The following ROBO1 variants were observed in gnomAD, a reference collection of about 807,000 sequenced individuals.
The protein encoded by ROBO1 is roundabout homolog 1.
A neutral mutation model predicts 195.9 loss-of-function variants in ROBO1; 149 were observed. The ratio of observed to expected loss-of-function variants is 0.76; its 90% CI spans 0.67 to 0.87. The LOEUF is 0.87. ROBO1 is among the 40% of genes least tolerant of loss of function. The pLI, the probability that ROBO1 is intolerant of heterozygous loss-of-function variation, is 0.00. For synonymous variants in ROBO1, 816 were observed against 733.2 expected (o/e 1.11, Z -1.82); for missense variants, 1,933 against 2,068.3 (o/e 0.93, Z 1.27).
intron 1 of ROBO1, among the ~76,000 whole-genome samples, chr3:79,636,589 T>C (rs946070601): frequency 1.3e-5 from 2 of 152,168 alleles, no homozygotes; most frequent in Non-Finnish European, 2.9e-5. Flanking sequence ...ACTCCATTAT[T>C]GGTGAGGTGT....
At chr3:79,284,613 TA>T (rs745712502) in intron 2 of ROBO1, among the ~76,000 whole-genome samples, 2 of 152,198 alleles carry the variant, frequency 1.3e-5, no homozygotes, top group Non-Finnish European at 2.9e-5. Context: ...GTAAAATGAT[TA>T]TTCTGAAAAG....
chr3:79,009,139 A>G, intron 3 of ROBO1, among the ~76,000 whole-genome samples: 3 of 126,896 alleles, frequency 2.4e-5, no homozygotes, highest in South Asian at 2.6e-4. Flanking sequence ...TTTTTAGTAG[A>G]GACGGGGTTT....
At chr3:78,846,814 T>A (rs879515309) in intron 4 of ROBO1, among the ~76,000 whole-genome samples, 6 of 152,144 alleles carry the variant, frequency 3.9e-5, no homozygotes, top group Non-Finnish European at 8.8e-5. Flanking sequence ...TTAAAGAACC[T>A]TTCTGTGGTT....
chr3:79,228,682 TTGGATA>T (rs2082268771), intron 2 of ROBO1, among the ~76,000 whole-genome samples: 1 of 152,172 alleles, frequency 6.6e-6, no homozygotes, highest in African/African-American at 2.4e-5. Flanking sequence ...TAGTTCTGTA[TTGGATA>T]TGGTTTACTA....
At chr3:79,740,163 C>T (rs1170959136) in intron 1 of ROBO1, among the ~76,000 whole-genome samples, 1 of 148,340 alleles carries the variant, frequency 6.7e-6, no homozygotes, top group African/African-American at 2.5e-5. Flanking sequence ...CTGCTTCAGA[C>T]TTAGTAATCT....
chr3:78,946,229 C>T (rs1240777327), intron 3 of ROBO1, among the ~76,000 whole-genome samples: 2 of 152,052 alleles, frequency 1.3e-5, no homozygotes, highest in African/African-American at 4.8e-5. Flanking sequence ...GTCAGATTCA[C>T]CAAAGTTGAA....
intron 2 of ROBO1, among the ~76,000 whole-genome samples, chr3:79,482,138 A>T (rs1938898327): frequency 6.6e-6 from 1 of 152,220 alleles, no homozygotes; most frequent in Non-Finnish European, 1.5e-5. Context: ...TATTGATTCC[A>T]TCAGTATGAT....
intron 10 of ROBO1, among the ~76,000 whole-genome samples, chr3:78,680,403 A>G (rs1386832030): frequency 5.3e-5 from 8 of 152,106 alleles, no homozygotes; most frequent in Non-Finnish European, 1.2e-4. Context: ...GCAACCTACA[A>G]AATGGGAGAA....
At chr3:79,490,628 G>A (rs1939401519) in intron 2 of ROBO1, among the ~76,000 whole-genome samples, 1 of 152,168 alleles carries the variant, frequency 6.6e-6, no homozygotes, top group South Asian at 2.1e-4. Context: ...CTGACCATAG[G>A]CAATTTCGAA....
chr3:79,550,956 A>G (rs1437183897), intron 2 of ROBO1, among the ~76,000 whole-genome samples: 1 of 152,112 alleles, frequency 6.6e-6, no homozygotes, highest in Non-Finnish European at 1.5e-5. Context: ...TAATGTTACC[A>G]TCATGGGACT....
chr3:79,436,848 G>A (rs899125950), intron 2 of ROBO1, among the ~76,000 whole-genome samples: 18 of 152,066 alleles, frequency 1.2e-4, no homozygotes, highest in African/African-American at 4.3e-4. Flanking sequence ...AGCTTTTCGG[G>A]TTACAGAAAT....
At chr3:78,972,911 A>G (rs1033220326) in intron 3 of ROBO1, among the ~76,000 whole-genome samples, 1 of 152,146 alleles carries the variant, frequency 6.6e-6, no homozygotes, top group Non-Finnish European at 1.5e-5. Context: ...AAGCTATTAG[A>G]TTGTGAGATG....
At chr3:79,615,709 T>A (rs1199662288) in intron 1 of ROBO1, among the ~76,000 whole-genome samples, 1 of 152,078 alleles carries the variant, frequency 6.6e-6, no homozygotes, top group East Asian at 1.9e-4. Flanking sequence ...AACAAATAGA[T>A]TAGAAAGCCC....
intron 2 of ROBO1, among the ~76,000 whole-genome samples, chr3:79,334,344 GTATATATGTATA>G (rs1377625758): frequency 6.4e-5 from 9 of 141,714 alleles, no homozygotes; most frequent in Admixed American, 7.1e-5. Context: ...GTATATATAT[GTATATATGTATA>G]TATATATGTA....
intron 4 of ROBO1, among the ~76,000 whole-genome samples, chr3:78,924,445 T>A (rs188720299): frequency 1.3e-5 from 2 of 152,208 alleles, no homozygotes; most frequent in African/African-American, 2.4e-5. Context: ...TTGTTCATAT[T>A]TTCCCCCTCT....
intron 3 of ROBO1, among the ~76,000 whole-genome samples, chr3:79,107,824 T>G (rs1431390486): frequency 2.0e-5 from 3 of 151,682 alleles, no homozygotes; most frequent in Non-Finnish European, 4.4e-5. Flanking sequence ...CTCATTTAAA[T>G]TATCACTTGG....
chr3:79,534,626 C>G (rs1229954481), intron 2 of ROBO1, among the ~76,000 whole-genome samples: 1 of 152,092 alleles, frequency 6.6e-6, no homozygotes, highest in Non-Finnish European at 1.5e-5. Flanking sequence ...TTCTTTTATA[C>G]CAATGCTTTC....
intron 3 of ROBO1, among the ~76,000 whole-genome samples, chr3:79,103,529 C>T (rs113577187): frequency 4.6e-5 from 7 of 151,774 alleles, no homozygotes; most frequent in African/African-American, 1.7e-4. Context: ...AAGAGCAAAA[C>T]GGCCCTATGC....
intron 2 of ROBO1, among the ~76,000 whole-genome samples, chr3:79,511,849 T>A (rs2107544017): frequency 6.6e-6 from 1 of 152,188 alleles, no homozygotes; most frequent in South Asian, 2.1e-4. Flanking sequence ...CTGTTCACAC[T>A]TAGAAATGGG....
Sources: gnomAD v4.1 joint callset for allele counts (sites outside exome capture counted in the v4.1 genomes callset) on GRCh38, gnomAD v4.1.1 for gene constraint, MANE v1.5 for transcripts, NCBI Gene and HGNC (gene_info 2026-07-23, HGNC 2026-07-21) for gene names.